Variants in HUWE1 observed in about 807,000 individuals in gnomAD.
HUWE1 encodes the protein E3 ubiquitin-protein ligase HUWE1.
In HUWE1, 18 loss-of-function variants were observed where a neutral mutation model predicts 299.4. The observed-to-expected ratio is 0.06, with a 90% CI of 0.04 to 0.09. The LOEUF (loss-of-function observed/expected upper bound fraction) is 0.09. Ranked by LOEUF, HUWE1 falls within the 10% of genes least tolerant of loss-of-function variation. The pLI, the probability that HUWE1 is intolerant of heterozygous loss-of-function variation, is 1.00. For synonymous variants in HUWE1, 1,317 were observed against 1,286.1 expected (o/e 1.02, Z -0.51); for missense variants, 1,832 against 3,462.3 (o/e 0.53, Z 11.82).
rs782799129 is a variant in HUWE1, at chrX:53,536,153, G to A, written c.12525C>T (p.Ser4175=). Residue 4175 remains serine, a synonymous_variant, in exon 80 of 84, where the codon AGC becomes AGT. Coordinates refer to ENST00000262854, the MANE Select transcript of HUWE1 (RefSeq NM_031407.7). The stretch of plus-strand genomic sequence containing the variant: ...TTAGGATTTCCTGACCTACCTCAGT[G>A]CTGAAGGTGAGGTCATAGCCTAGTG... ...VSTLGYDLTF[S]TEVQEFGVCE... 1.7e-6 allele frequency: 2 copies of A among 1,171,712 alleles called. No individual in the cohort carries two copies. The highest frequency in any genetic ancestry group is 2.2e-5 in the Admixed American group (1 of 45,534).
intron 2 of HUWE1, among the ~76,000 whole-genome samples, chrX:53,685,266 C>T (rs1242157499): frequency 2.7e-5 from 3 of 111,092 alleles, no homozygotes; most frequent in Non-Finnish European, 5.7e-5. Flanking sequence ...ATAGTAAGTT[C>T]CAAAAAAACT....
intron 2 of HUWE1, among the ~76,000 whole-genome samples, chrX:53,681,703 A>ATGAAT (rs2070163492): frequency 8.9e-6 from 1 of 112,318 alleles, no homozygotes; most frequent in Non-Finnish European, 1.9e-5. Flanking sequence ...GAAAAGTAGC[A>ATGAAT]TGAATACTTC....
intron 2 of HUWE1, among the ~76,000 whole-genome samples, chrX:53,680,392 G>A (rs189407586): frequency 8.9e-6 from 1 of 111,861 alleles, no homozygotes; most frequent in Admixed American, 9.5e-5. Flanking sequence ...TACTTCTAAC[G>A]CTTAGACAAC....
chrX:53,606,907 A>G (rs2065181594), intron 25 of HUWE1, among the ~76,000 whole-genome samples: 1 of 111,531 alleles, frequency 9.0e-6, no homozygotes, highest in South Asian at 3.8e-4. Flanking sequence ...ATCAATATGA[A>G]TACACATAAC....
intron 36 of HUWE1, among the ~76,000 whole-genome samples, chrX:53,589,296 G>T (rs782005142): frequency 1.3e-4 from 15 of 112,079 alleles, no homozygotes; most frequent in Non-Finnish European, 1.1e-4. Context: ...TGACTCAAGG[G>T]TGAGGCACAT....
intron 3 of HUWE1, among the ~76,000 whole-genome samples, chrX:53,667,786 C>T (rs2069320783): frequency 9.0e-6 from 1 of 111,707 alleles, no homozygotes; most frequent in Admixed American, 9.5e-5. Context: ...ATGACCACTA[C>T]AAAAACCCTG....
chrX:53,610,904 C>T (rs1240962734), intron 23 of HUWE1, among the ~76,000 whole-genome samples: 1 of 111,252 alleles, frequency 9.0e-6, no homozygotes, highest in Non-Finnish European at 1.9e-5. Flanking sequence ...CAAAGTGAAC[C>T]GTGATGCACC....
intron 76 of HUWE1, 92 bp from the exon 77 acceptor site, chrX:53,538,546 TCTTC>T (rs1394656403): frequency 1.1e-5 from 7 of 655,131 alleles, no homozygotes; most frequent in Non-Finnish European, 1.7e-5. Flanking sequence ...TCTTCCTTCC[TCTTC>T]CTTATTTCAG....
intron 4 of HUWE1, among the ~76,000 whole-genome samples, chrX:53,649,835 GAAC>G (rs1196882391): frequency 8.9e-6 from 1 of 112,332 alleles, no homozygotes; most frequent in Non-Finnish European, 1.9e-5. Context: ...AGTTCATGAT[GAAC>G]ATTTGGATCC....
intron 37 of HUWE1, among the ~76,000 whole-genome samples, chrX:53,587,359 T>C (rs1359175342): frequency 1.8e-5 from 2 of 112,439 alleles, no homozygotes; most frequent in Non-Finnish European, 3.8e-5. Context: ...AAAGTGTTAC[T>C]TTTAACAGGA....
At chrX:53,629,645 C>A in intron 12 of HUWE1, 29 bp from the exon 13 acceptor site, 1 of 1,010,511 alleles carries the variant, frequency 9.9e-7, no homozygotes, top group South Asian at 1.9e-5. Context: ...ACACTTTAGG[C>A]AAGAAGGCAG....
rs782330702 is a variant in HUWE1, at chrX:53,545,231, C to T, written c.10916-70G>A. 793 of 1,029,992 alleles carry T rather than the reference C, an allele frequency of 7.7e-4. 2 individuals are homozygous for T. Among genetic ancestry groups the T allele is most frequent in the Non-Finnish European group, 9.5e-4 (706 of 744,200 alleles). The allele number at this position is 1,029,992 out of a possible 1,213,427, so 84.9% of individuals were successfully genotyped here. On this transcript the variant is annotated intron_variant, in intron 70 of 83. Transcript: ENST00000262854. Reference sequence around the variant, plus strand: ...TAAAGTGGCTAAAAGCCAAATCTCTCTAAGACACCTGCTTAGGCCACTCTT... The same window carrying T: ...TAAAGTGGCTAAAAGCCAAATCTCTTTAAGACACCTGCTTAGGCCACTCTT...
At chrX:53,676,018 G>C (rs1441301846) in intron 3 of HUWE1, among the ~76,000 whole-genome samples, 2 of 111,066 alleles carry the variant, frequency 1.8e-5, no homozygotes, top group Non-Finnish European at 3.8e-5. Context: ...GGAACATTCA[G>C]TTATCACTGG....
At chrX:53,561,720 A>G in intron 55 of HUWE1, 36 bp downstream of exon 55, 1 of 1,210,283 alleles carries the variant, frequency 8.3e-7, no homozygotes, top group Non-Finnish European at 1.1e-6. Flanking sequence ...TATAAGAATC[A>G]AGAGAGAAAA....
At chrX:53,535,143 C>T (rs782695818) in intron 81 of HUWE1, among the ~76,000 whole-genome samples, 16 of 111,122 alleles carry the variant, frequency 1.4e-4, no homozygotes, top group Non-Finnish European at 2.6e-4. Flanking sequence ...CCATGTTGGC[C>T]AGGCTGGTCT....
intron 80 of HUWE1, 30 bp from the exon 81 acceptor site, chrX:53,535,531 A>T: frequency 1.1e-6 from 1 of 933,883 alleles, no homozygotes; most frequent in Non-Finnish European, 1.6e-6. Flanking sequence ...AATCATACAT[A>T]TCAGACTTCA....
At chrX:53,641,362 T>C (rs2067577471) in intron 7 of HUWE1, among the ~76,000 whole-genome samples, 1 of 112,230 alleles carries the variant, frequency 8.9e-6, no homozygotes, top group Non-Finnish European at 1.9e-5. Flanking sequence ...TTTTCTCATT[T>C]ATTTCTGTGT....
At chrX:53,598,722 G>A (rs140581127) in intron 29 of HUWE1, among the ~76,000 whole-genome samples, 20 of 111,654 alleles carry the variant, frequency 1.8e-4, no homozygotes, top group African/African-American at 6.2e-4. Context: ...GGAGTCAAAC[G>A]TTATACATGG....
chrX:53,636,346 A>C (rs2067208644), intron 7 of HUWE1, among the ~76,000 whole-genome samples: 1 of 112,526 alleles, frequency 8.9e-6, no homozygotes, highest in African/African-American at 3.2e-5. Context: ...AAAAATAATC[A>C]GAAGTTTAAA....
Sources: gnomAD v4.1 joint callset for allele counts (sites outside exome capture counted in the v4.1 genomes callset) on GRCh38, gnomAD v4.1.1 for gene constraint, MANE v1.5 for transcripts, NCBI Gene and HGNC (gene_info 2026-07-23, HGNC 2026-07-21) for gene names.